Variants in ATG2B observed in about 807,000 individuals in gnomAD.
ATG2B encodes autophagy related 2B, also known as autophagy-related protein 2 homolog B.
ATG2B carries 121 observed loss-of-function variants against 241.3 expected under a neutral mutation model. That is an observed-to-expected ratio of 0.50 (90% CI 0.43 to 0.58). The LOEUF is 0.58. Ranked by LOEUF, ATG2B falls within the 20% of genes least tolerant of loss-of-function variation. The pLI, the probability that ATG2B is intolerant of heterozygous loss-of-function variation, is 0.00. For missense variants in ATG2B, 2,306 were observed against 2,491.6 expected (o/e 0.93, Z 1.59); for synonymous variants, 858 against 876.6 (o/e 0.98, Z 0.37).
chr14:96,308,282 A>ATATATATATATATTTTTTTTTT (rs1566720002), intron 29 of ATG2B, among the ~76,000 whole-genome samples: 2 of 37,036 alleles, frequency 5.4e-5, no homozygotes, highest in Admixed American at 8.6e-4. Flanking sequence ...ATATATATAT[A>ATATATATATATATTTTTTTTTT]TTTTTTTTTT....
At chr14:96,358,138 G>A (rs960659711) in intron 1 of ATG2B, among the ~76,000 whole-genome samples, 2 of 152,154 alleles carry the variant, frequency 1.3e-5, no homozygotes, top group African/African-American at 4.8e-5. Flanking sequence ...CAGCAGTGAA[G>A]AGTAATATTA....
At chr14:96,311,387 G>C in intron 27 of ATG2B, 100 bp from the exon 28 acceptor site, 1 of 1,254,370 alleles carries the variant, frequency 8.0e-7, no homozygotes, top group Non-Finnish European at 1.1e-6. Flanking sequence ...ATGATAATCT[G>C]TCTCGCTACA....
At chr14:96,286,816 G>A (rs1249801574) in intron 41 of ATG2B, among the ~76,000 whole-genome samples, 1 of 151,994 alleles carries the variant, frequency 6.6e-6, no homozygotes, top group Admixed American at 6.6e-5. Flanking sequence ...CAGTGATGGG[G>A]ACAGCATAAA....
intron 23 of ATG2B, among the ~76,000 whole-genome samples, chr14:96,314,389 T>C (rs904073830): frequency 6.6e-6 from 1 of 152,204 alleles, no homozygotes; most frequent in African/African-American, 2.4e-5. Context: ...TAAAAAGTTG[T>C]TGAACTGGAA....
intron 1 of ATG2B, among the ~76,000 whole-genome samples, chr14:96,360,784 T>A (rs1428235875): frequency 3.9e-5 from 6 of 152,024 alleles, no homozygotes; most frequent in Admixed American, 6.6e-5. Context: ...TTTTTTTCAG[T>A]CATGTAAGTC....
At chr14:96,286,283 T>A (rs186751262) in intron 41 of ATG2B, among the ~76,000 whole-genome samples, 1 of 152,226 alleles carries the variant, frequency 6.6e-6, no homozygotes, top group Non-Finnish European at 1.5e-5. Flanking sequence ...TTGCTGGTAC[T>A]ATTAATCACT....
chr14:96,317,646 G>A, intron 19 of ATG2B, 52 bp downstream of exon 19: 1 of 1,421,088 alleles, frequency 7.0e-7, no homozygotes, highest in South Asian at 1.4e-5. Flanking sequence ...TTAGTACTTT[G>A]TTAATTGATA....
chr14:96,357,268 A>T (rs781532931), intron 1 of ATG2B, among the ~76,000 whole-genome samples: 1 of 152,086 alleles, frequency 6.6e-6, no homozygotes, highest in Non-Finnish European at 1.5e-5. Flanking sequence ...ATCCTTTACA[A>T]TTTAAAATGT....
intron 29 of ATG2B, among the ~76,000 whole-genome samples, chr14:96,308,274 ATATATATATTTTTT>A (rs1887050333): frequency 4.6e-4 from 12 of 25,872 alleles, no homozygotes; most frequent in South Asian, 2.6e-3. Context: ...ATATATATAT[ATATATATATTTTTT>A]TTTTTTTTTT....
chr14:96,316,899 T>C (rs1213188245), intron 20 of ATG2B, among the ~76,000 whole-genome samples: 1 of 152,198 alleles, frequency 6.6e-6, no homozygotes, highest in African/African-American at 2.4e-5. Context: ...TCTCTGTACT[T>C]TGTTGTCACC....
rs1229180497 is a variant in ATG2B, at chr14:96,308,257, CAT to C, written c.4303+1194_4303+1195del. 7.1e-4 allele frequency among the ~76,000 whole-genome samples: 24 copies of C among 33,718 alleles called. 1 individual carries two copies. In the East Asian group the frequency reaches 0.015, roughly 21 times the overall value. 22.1% of individuals were successfully genotyped at this position (33,718 alleles called of 152,430 possible). On this transcript the variant is annotated intron_variant, in intron 29 of 41. Coordinates refer to ENST00000359933, the MANE Select transcript of ATG2B (RefSeq NM_018036.7). ...ATATATATATATATATATATACACA[CAT>C]ATATATATATATATATATATATATT...
chr14:96,362,702 G>A, intron 1 of ATG2B, 113 bp downstream of exon 1: 1 of 1,077,192 alleles, frequency 9.3e-7, no homozygotes, highest in South Asian at 1.6e-5. Flanking sequence ...TCACACTCGG[G>A]TCCAAACAAT....
At chr14:96,348,622 G>A (rs944990194) in intron 1 of ATG2B, among the ~76,000 whole-genome samples, 3 of 151,104 alleles carry the variant, frequency 2.0e-5, no homozygotes, top group Admixed American at 2.0e-4. Context: ...GGCGGAGGCT[G>A]CAGTGAGCCA....
Position 96,281,055 on chromosome 14 carries a change from AGGGAG to A in ATG2B, c.*4695_*4699del, listed in dbSNP as rs1470705236. ...TAATAGAGGGACTAAAATCCAAAGC[AGGGAG>A]GGAAGAACTGTTAAAACTCCATACA... is the stretch of plus-strand genomic sequence containing the variant. On this transcript the variant is annotated 3_prime_UTR_variant, in exon 42 of 42. Coordinates refer to ENST00000359933, the MANE Select transcript of ATG2B (RefSeq NM_018036.7). The A allele has an allele frequency of 1.3e-5, 2 of 152,208 alleles. No homozygotes were observed. The highest frequency in any genetic ancestry group is 4.8e-5 in the African/African-American group (2 of 41,460). 9.4% of individuals were successfully genotyped at this position (152,208 alleles called of 1,614,324 possible).
At chr14:96,342,814 T>C (rs116551416) in intron 5 of ATG2B, among the ~76,000 whole-genome samples, 1 of 152,126 alleles carries the variant, frequency 6.6e-6, no homozygotes, top group African/African-American at 2.4e-5. Context: ...TATAAAAATA[T>C]TCAAAAATCT....
chr14:96,295,120 A>C lies in ATG2B; in HGVS notation c.5266T>G (p.Leu1756Val), dbSNP rs748293531. ...ADVTCSLPRH[L>V]STSKEPNLVI... ...AGATTTGGCTCCTTTGAGGTACTCA[A>C]ATGCCTTGGCAAACTGCAGGTGACA... is the stretch of plus-strand genomic sequence containing the variant. Residue 1756 changes from leucine (L) to valine (V), a missense_variant, in exon 36 of 42, where the codon TTG (leucine) becomes GTG (valine). Leu to Val is a conservative substitution (Grantham distance 32). This residue lies in a region of ATG2B where 379 missense variants were observed against 480.4 expected (regional missense o/e 0.79). Transcript: ENST00000359933. 1 of 1,614,110 alleles carries C rather than the reference A, an allele frequency of 6.2e-7. No homozygotes were observed. The highest frequency in any genetic ancestry group is 1.3e-5 in the African/African-American group (1 of 74,950).
Position 96,282,958 on chromosome 14 carries a change from G to A in ATG2B, c.*2797C>T, listed in dbSNP as rs1367266436. The A allele has an allele frequency of 1.3e-5, 2 of 152,206 alleles. No individual in the cohort carries two copies. Among genetic ancestry groups the A allele is most frequent in the Non-Finnish European group, 2.9e-5 (2 of 68,042 alleles). 9.4% of individuals were successfully genotyped at this position (152,206 alleles called of 1,614,324 possible). A position where few individuals can be genotyped will look rare whatever the true frequency, so the allele number is the denominator to read the frequency against. On this transcript the variant is annotated 3_prime_UTR_variant, in exon 42 of 42. Coordinates refer to ENST00000359933, the MANE Select transcript of ATG2B (RefSeq NM_018036.7). The stretch of plus-strand genomic sequence containing the variant: ...TATTGATAAATATATGTACTTAAGC[G>A]AGAATCCAAATCGTACCCAAACTTC...
chr14:96,302,250 G>T, intron 33 of ATG2B, 142 bp from the exon 34 acceptor site: 2 of 605,112 alleles, frequency 3.3e-6, no homozygotes, highest in Non-Finnish European at 2.8e-6. Flanking sequence ...TTCCTTAAAA[G>T]TCTGAATCAA....
chr14:96,349,672 T>C (rs1737542755), intron 1 of ATG2B, among the ~76,000 whole-genome samples: 1 of 152,186 alleles, frequency 6.6e-6, no homozygotes, highest in African/African-American at 2.4e-5. Context: ...GCTTGGGCAA[T>C]TGCTTAGATA....
Sources: gnomAD v4.1 joint callset for allele counts (sites outside exome capture counted in the v4.1 genomes callset) on GRCh38, gnomAD v4.1.1 for gene constraint, gnomAD v4.1.1 regional missense constraint, MANE v1.5 for transcripts, NCBI Gene and HGNC (gene_info 2026-07-23, HGNC 2026-07-21) for gene names.